CTNNA3: variants seen among roughly 807,000 people sequenced by gnomAD.
CTNNA3 encodes the protein catenin alpha 3.
A neutral mutation model predicts 95.7 loss-of-function variants in CTNNA3; 76 were observed. The ratio of observed to expected loss-of-function variants is 0.79; its 90% CI spans 0.66 to 0.96. The LOEUF (loss-of-function observed/expected upper bound fraction) is 0.96, where lower values mean the gene tolerates loss of function less well. CTNNA3 is among the 40% of genes least tolerant of loss of function. The pLI, the probability that CTNNA3 is intolerant of heterozygous loss-of-function variation, is 0.00. For synonymous variants in CTNNA3, 431 were observed against 374.4 expected (o/e 1.15, Z -1.74); for missense variants, 1,191 against 1,089.8 (o/e 1.09, Z -1.31).
At chr10:66,369,138 C>T (rs1259590992) in intron 12 of CTNNA3, among the ~76,000 whole-genome samples, 1 of 152,096 alleles carries the variant, frequency 6.6e-6, no homozygotes. Flanking sequence ...GAAGAAATCT[C>T]TTCCCAGGTC....
chr10:66,508,337 C>A (rs1229757257), intron 11 of CTNNA3, among the ~76,000 whole-genome samples: 1 of 151,492 alleles, frequency 6.6e-6, no homozygotes, highest in Non-Finnish European at 1.5e-5. Context: ...TATTTAGAAA[C>A]GGCGTTCACT....
At chr10:66,983,776 C>T (rs144737107) in intron 7 of CTNNA3, among the ~76,000 whole-genome samples, 3 of 152,264 alleles carry the variant, frequency 2.0e-5, no homozygotes, top group African/African-American at 7.2e-5. Context: ...GGGATAAATA[C>T]ATTCTGCTAA....
chr10:67,355,244 T>C (rs921218962), intron 5 of CTNNA3, among the ~76,000 whole-genome samples: 3 of 151,948 alleles, frequency 2.0e-5, no homozygotes, highest in Non-Finnish European at 4.4e-5. Context: ...ACTGACCCCA[T>C]TCCCTGTCCC....
intron 5 of CTNNA3, among the ~76,000 whole-genome samples, chr10:67,505,578 G>T (rs560395725): frequency 1.3e-5 from 2 of 152,206 alleles, no homozygotes; most frequent in East Asian, 3.9e-4. Context: ...CAAACAGTAA[G>T]GTTAAAACAA....
rs184434617 is a variant in CTNNA3, at chr10:66,136,058, C to A, written c.1885-32809G>T. On this transcript the variant is annotated intron_variant, in intron 13 of 17. Coordinates refer to ENST00000433211, the MANE Select transcript of CTNNA3 (RefSeq NM_013266.4). Reference sequence around the variant, plus strand: ...CTGGGACTACAGGCGCCCACCACCACGCCTGGCTAATTTTTTGTATTTTTA... The same window carrying A: ...CTGGGACTACAGGCGCCCACCACCAAGCCTGGCTAATTTTTTGTATTTTTA... 4.1e-3 allele frequency among the ~76,000 whole-genome samples: 619 copies of A among 152,074 alleles called. 6 individuals are homozygous for A. The highest frequency in any genetic ancestry group is 0.014 in the African/African-American group (600 of 41,496).
rs536636593 is a variant in CTNNA3, at chr10:67,026,489, T to C, written c.1047+153828A>G. 2.6e-5 allele frequency among the ~76,000 whole-genome samples: 4 copies of C among 152,216 alleles called. No homozygotes were observed. The East Asian group carries it at 5.8e-4, about 22-fold the overall frequency. ...AAACAAAAGAAATAAAGCAGTGTTA[T>C]ATAAGTAATATGGAAAAGTTTTAAA... On this transcript the variant is annotated intron_variant, in intron 7 of 17. Transcript: ENST00000433211.
intron 13 of CTNNA3, among the ~76,000 whole-genome samples, chr10:66,249,420 C>A (rs1352458136): frequency 3.6e-4 from 54 of 152,054 alleles, no homozygotes; most frequent in Admixed American, 3.4e-3. Context: ...TCAAACAACT[C>A]TATAGGAAAA....
intron 1 of CTNNA3, among the ~76,000 whole-genome samples, chr10:67,719,339 T>C (rs976055895): frequency 3.9e-5 from 6 of 152,032 alleles, no homozygotes; most frequent in Non-Finnish European, 8.8e-5. Flanking sequence ...TGTCTTCTGC[T>C]AGCTTTTGAA....
At chr10:66,339,588 C>A (rs530024813) in intron 12 of CTNNA3, among the ~76,000 whole-genome samples, 1 of 151,680 alleles carries the variant, frequency 6.6e-6, no homozygotes, top group African/African-American at 2.4e-5. Context: ...ATTCTTATGT[C>A]CTACTTGGTT....
At chr10:66,298,242 T>G (rs1255202258) in intron 12 of CTNNA3, among the ~76,000 whole-genome samples, 1 of 152,160 alleles carries the variant, frequency 6.6e-6, no homozygotes, top group African/African-American at 2.4e-5. Flanking sequence ...AAACAAACTT[T>G]CATTTTGAAC....
intron 10 of CTNNA3, among the ~76,000 whole-genome samples, chr10:66,543,865 T>A (rs2631211): frequency 0.92 from 130,950 of 142,046 alleles, 60,578 homozygotes; most frequent in East Asian, 0.98. Context: ...TTGCTAAATT[T>A]TGCTTTTTCT....
At chr10:66,595,672 T>G (rs1485299623) in intron 10 of CTNNA3, among the ~76,000 whole-genome samples, 1 of 152,020 alleles carries the variant, frequency 6.6e-6, no homozygotes, top group Non-Finnish European at 1.5e-5. Flanking sequence ...AGTCTTAATC[T>G]GTTGCCCAGG....
intron 7 of CTNNA3, among the ~76,000 whole-genome samples, chr10:67,115,198 T>C (rs2131979518): frequency 6.6e-6 from 1 of 152,166 alleles, no homozygotes; most frequent in Non-Finnish European, 1.5e-5. Flanking sequence ...GCAATTAATC[T>C]AACAACAGTG....
chr10:66,402,104 T>A (rs986279931), intron 11 of CTNNA3, among the ~76,000 whole-genome samples: 6 of 152,222 alleles, frequency 3.9e-5, no homozygotes, highest in Admixed American at 2.0e-4. Context: ...ATACCTCAGA[T>A]AAAATTCATT....
chr10:65,940,707 T>C (rs980164186), intron 17 of CTNNA3, among the ~76,000 whole-genome samples: 3 of 152,190 alleles, frequency 2.0e-5, no homozygotes, highest in Non-Finnish European at 2.9e-5. Context: ...AAAATTATAC[T>C]CTAAGCAGTT....
intron 10 of CTNNA3, among the ~76,000 whole-genome samples, chr10:66,591,671 G>A (rs920852234): frequency 5.9e-5 from 9 of 152,008 alleles, no homozygotes; most frequent in African/African-American, 1.9e-4. Context: ...TTTTAATGCA[G>A]CAATAATATT....
chr10:66,936,747 T>G (rs1274816150), intron 7 of CTNNA3, among the ~76,000 whole-genome samples: 1 of 152,158 alleles, frequency 6.6e-6, no homozygotes, highest in African/African-American at 2.4e-5. Context: ...GTATCCATAT[T>G]GAAATTCCTC....
chr10:67,017,725 C>CTG (rs10586644), intron 7 of CTNNA3, among the ~76,000 whole-genome samples: 10,990 of 147,878 alleles, frequency 0.074, 481 homozygotes, highest in Middle Eastern at 0.11. Flanking sequence ...CAAAAATCAT[C>CTG]TGTGTGTGTG....
chr10:66,756,061 C>T (rs1486375445), intron 9 of CTNNA3, among the ~76,000 whole-genome samples: 2 of 152,106 alleles, frequency 1.3e-5, no homozygotes, highest in Non-Finnish European at 2.9e-5. Context: ...AGAACATTTG[C>T]CCTTTTGCAA....
Sources: gnomAD v4.1 joint callset for allele counts (sites outside exome capture counted in the v4.1 genomes callset) on GRCh38, gnomAD v4.1.1 for gene constraint, MANE v1.5 for transcripts, NCBI Gene and HGNC (gene_info 2026-07-23, HGNC 2026-07-21) for gene names.